Variants in KCNIP4 observed in about 807,000 individuals in gnomAD.
KCNIP4 encodes the protein Kv channel-interacting protein 4.
KCNIP4 carries 12 observed loss-of-function variants against 34.0 expected under a neutral mutation model. That is an observed-to-expected ratio of 0.35 (90% CI 0.23 to 0.57). KCNIP4 has a LOEUF of 0.57. Among genes scored for constraint, KCNIP4 ranks in the 20% least tolerant of loss-of-function variants. The probability of loss-of-function intolerance (pLI) is 0.83; values close to 1 mark genes in which losing one functional copy is unlikely to be tolerated. For missense variants in KCNIP4, 238 were observed against 311.7 expected (o/e 0.76, Z 1.78); for synonymous variants, 124 against 102.2 (o/e 1.21, Z -1.29).
intron 1 of KCNIP4, chr4:21,697,545 T>G (rs1304432209): frequency 7.0e-7 from 1 of 1,435,572 alleles, no homozygotes; most frequent in African/African-American, 1.5e-5. Flanking sequence ...TCTCAGTTTA[T>G]GCACAGGCTG....
At chr4:21,405,775 A>G (rs113680207) in intron 1 of KCNIP4, among the ~76,000 whole-genome samples, 1 of 152,128 alleles carries the variant, frequency 6.6e-6, no homozygotes, top group African/African-American at 2.4e-5. Flanking sequence ...AGGTTGCTCT[A>G]TCTCATCATC....
chr4:21,729,291 T>G (rs924879851), intron 1 of KCNIP4, among the ~76,000 whole-genome samples: 2 of 152,192 alleles, frequency 1.3e-5, no homozygotes, highest in African/African-American at 4.8e-5. Context: ...ATTTCATTAT[T>G]AGAAACACTT....
At chr4:21,217,696 GA>G (rs1200532314) in intron 1 of KCNIP4, among the ~76,000 whole-genome samples, 2 of 152,092 alleles carry the variant, frequency 1.3e-5, no homozygotes, top group African/African-American at 4.8e-5. Flanking sequence ...ACAAGGCAAA[GA>G]GCAATAAAAT....
intron 1 of KCNIP4, among the ~76,000 whole-genome samples, chr4:21,881,154 T>G (rs1726436651): frequency 6.6e-6 from 1 of 152,146 alleles, no homozygotes. Context: ...CTTATTTCAC[T>G]CTAGAGAAAT....
chr4:21,460,689 T>C (rs898833081), intron 1 of KCNIP4, among the ~76,000 whole-genome samples: 9 of 152,078 alleles, frequency 5.9e-5, no homozygotes, highest in African/African-American at 2.2e-4. Context: ...CTAATTACCA[T>C]CCAAAGTCCC....
chr4:21,870,408 G>A (rs1298854358), intron 1 of KCNIP4, among the ~76,000 whole-genome samples: 2 of 152,072 alleles, frequency 1.3e-5, no homozygotes, highest in East Asian at 3.9e-4. Context: ...TAGACTCAGG[G>A]TCTAGCTTAT....
intron 1 of KCNIP4, among the ~76,000 whole-genome samples, chr4:21,526,088 G>A (rs1258647567): frequency 6.6e-6 from 1 of 152,112 alleles, no homozygotes; most frequent in Non-Finnish European, 1.5e-5. Context: ...ATGAAAGGAT[G>A]GATATGTAGA....
At chr4:21,369,021 G>T (rs1201316216) in intron 1 of KCNIP4, among the ~76,000 whole-genome samples, 2 of 146,918 alleles carry the variant, frequency 1.4e-5, no homozygotes, top group African/African-American at 5.4e-5. Flanking sequence ...CTTTCTGATT[G>T]CAGTAAAGGG....
chr4:21,830,162 A>C (rs1349971048), intron 1 of KCNIP4, among the ~76,000 whole-genome samples: 1 of 152,140 alleles, frequency 6.6e-6, no homozygotes, highest in African/African-American at 2.4e-5. Flanking sequence ...ATTTTCCACA[A>C]ATATAAATCA....
chr4:20,926,934 A>G (rs1729958557), intron 1 of KCNIP4, among the ~76,000 whole-genome samples: 1 of 152,226 alleles, frequency 6.6e-6, no homozygotes, highest in Non-Finnish European at 1.5e-5. Context: ...TGTAAAATCC[A>G]CAATTAGTAT....
At chr4:21,038,121 G>T (rs1237500206) in intron 1 of KCNIP4, among the ~76,000 whole-genome samples, 1 of 152,170 alleles carries the variant, frequency 6.6e-6, no homozygotes, top group African/African-American at 2.4e-5. Context: ...GGGATTACAG[G>T]CATGTGCCAC....
At chr4:21,557,260 A>G (rs566907697) in intron 1 of KCNIP4, among the ~76,000 whole-genome samples, 23 of 152,282 alleles carry the variant, frequency 1.5e-4, no homozygotes, top group Admixed American at 1.2e-3. Context: ...TACTGTGACA[A>G]AAATAATGTA....
intron 1 of KCNIP4, among the ~76,000 whole-genome samples, chr4:21,311,514 C>T (rs560625156): frequency 6.6e-6 from 1 of 152,056 alleles, no homozygotes; most frequent in Non-Finnish European, 1.5e-5. Flanking sequence ...CATGGTGAAA[C>T]CCCATCTCTA....
intron 1 of KCNIP4, among the ~76,000 whole-genome samples, chr4:21,047,941 T>C (rs553149625): frequency 3.3e-5 from 5 of 152,288 alleles, no homozygotes; most frequent in Non-Finnish European, 1.5e-5. Context: ...TCACAGTCCA[T>C]CTGCAACTCC....
chr4:21,548,798 A>G (rs1239705270), intron 1 of KCNIP4, among the ~76,000 whole-genome samples: 1 of 152,100 alleles, frequency 6.6e-6, no homozygotes, highest in African/African-American at 2.4e-5. Context: ...TGTGGTTGAA[A>G]TGAGGAAACC....
intron 1 of KCNIP4, chr4:21,845,507 C>A (rs1723960419): frequency 6.6e-6 from 1 of 152,032 alleles, no homozygotes; most frequent in African/African-American, 2.4e-5. Flanking sequence ...AAATCATAAC[C>A]ACGATTCTTA....
At chr4:21,769,705 G>A (rs1443931296) in intron 1 of KCNIP4, among the ~76,000 whole-genome samples, 6 of 152,062 alleles carry the variant, frequency 3.9e-5, no homozygotes, top group Non-Finnish European at 8.8e-5. Context: ...GTACTTATAG[G>A]AATTTATGAC....
At chr4:21,393,968 T>C (rs1431049051) in intron 1 of KCNIP4, among the ~76,000 whole-genome samples, 1 of 152,186 alleles carries the variant, frequency 6.6e-6, no homozygotes, top group Non-Finnish European at 1.5e-5. Context: ...GGATAATTCA[T>C]TCATTTACCA....
chr4:21,814,786 T>C (rs936959129), intron 1 of KCNIP4, among the ~76,000 whole-genome samples: 1 of 152,176 alleles, frequency 6.6e-6, no homozygotes, highest in South Asian at 2.1e-4. Flanking sequence ...AGAGGGCAGG[T>C]AATGTTTCCC....
Sources: allele counts gnomAD v4.1 joint callset (sites outside exome capture counted in the v4.1 genomes callset), GRCh38; gene constraint gnomAD v4.1.1; transcripts MANE v1.5; gene names NCBI Gene and HGNC (gene_info 2026-07-23, HGNC 2026-07-21).